Variants in INPP5D observed in about 807,000 individuals in gnomAD.
INPP5D encodes the protein phosphatidylinositol 3,4,5-trisphosphate 5-phosphatase 1.
INPP5D carries 33 observed loss-of-function variants against 122.9 expected under a neutral mutation model. The observed-to-expected ratio is 0.27, with a 90% CI of 0.20 to 0.36. The LOEUF is 0.36. INPP5D is among the 10% of genes least tolerant of loss of function. The pLI is 1.00. For synonymous variants in INPP5D, 584 were observed against 576.2 expected, an observed-to-expected ratio of 1.01 and a Z score of -0.19; for missense variants, 1,053 against 1,412.7, an observed-to-expected ratio of 0.75 and a Z score of 4.08.
In INPP5D at chr2:233,207,320, G is replaced by A. The variant is rs1028341891; in HGVS notation, c.*612G>A. The A allele has an allele frequency of 3.3e-5, 5 of 152,816 alleles. No homozygotes were observed. Among genetic ancestry groups the A allele is most frequent in the Admixed American group, 3.3e-4 (5 of 15,284 alleles). 9.5% of individuals were successfully genotyped at this position (152,816 alleles called of 1,614,324 possible). On this transcript the variant is annotated 3_prime_UTR_variant, in exon 27 of 27. Coordinates refer to ENST00000445964, the MANE Select transcript of INPP5D (RefSeq NM_001017915.3). This position sits in a 1 kb window ranked among gnomAD's most constrained non-coding sequence, Gnocchi z 4.6. ...GGGTAGCTTGTTTAGGGTACAAGAA[G>A]CCTGTTCTGTCCAGCTTCAGTGACA...
intron 2 of INPP5D, among the ~76,000 whole-genome samples, chr2:233,107,602 G>A (rs938156949): frequency 1.3e-5 from 2 of 152,204 alleles, no homozygotes; most frequent in African/African-American, 2.4e-5. Context: ...GAGGAATGTC[G>A]AAGAACCTAG....
intron 6 of INPP5D, among the ~76,000 whole-genome samples, chr2:233,143,644 A>T (rs1373430781): frequency 6.6e-6 from 1 of 152,258 alleles, no homozygotes; most frequent in African/African-American, 2.4e-5. Context: ...AGCTTTATTA[A>T]GAAGCAAGGG....
Position 233,206,671 on chromosome 2 carries a change from T to C in INPP5D, c.3568-35T>C, listed in dbSNP as rs1393311117. 2.6e-6 allele frequency: 2 copies of C among 768,992 alleles called. No homozygotes were observed. Among genetic ancestry groups the C allele is most frequent in the Non-Finnish European group, 4.8e-6 (2 of 412,590 alleles). 47.6% of individuals were successfully genotyped at this position (768,992 alleles called of 1,614,324 possible). On this transcript the variant is annotated intron_variant, in intron 26 of 26. Transcript: ENST00000445964. The surrounding 1 kb of genome is among the most constrained non-coding windows in gnomAD (Gnocchi z 4.0). ...TTAGTTCAACATGGCCTGGTGAGAA[T>C]GAGCCCTGACAGCCCTTCTGTTCTT...
intron 2 of INPP5D, among the ~76,000 whole-genome samples, chr2:233,099,210 C>G (rs1227252530): frequency 1.3e-5 from 2 of 152,190 alleles, no homozygotes; most frequent in Admixed American, 6.5e-5. Context: ...CTTGGCCTCC[C>G]AAAGTGCTGG....
rs369389658 is a variant in INPP5D at position 233,085,386 on chromosome 2, GAA to G, written c.198+6001_198+6002del. Among the ~76,000 whole-genome samples, 80 of 120,604 alleles carry G rather than the reference GAA, an allele frequency of 6.6e-4. 1 individual carries two copies. The highest frequency in any genetic ancestry group is 2.2e-3 in the African/African-American group (73 of 33,000). 79.1% of individuals were successfully genotyped at this position (120,604 alleles called of 152,430 possible). ...GGTGACAGAGCAAGACTGTCTCAAA[GAA>G]AAAAAAAAAAAAGAATGTAGCGTTA... On this transcript the variant is annotated intron_variant, in intron 2 of 26. Transcript: ENST00000445964.
intron 8 of INPP5D, 143 bp from the exon 9 acceptor site, chr2:233,147,328 G>T: frequency 1.6e-6 from 1 of 610,438 alleles, no homozygotes; most frequent in Non-Finnish European, 3.0e-6. Context: ...CACGTGCGCC[G>T]CTGGGGCAAG....
Position 233,122,149 on chromosome 2 carries a change from C to A in INPP5D, c.241C>A (p.Gln81Lys). 1 of 1,613,972 alleles carries A rather than the reference C, an allele frequency of 6.2e-7. No homozygotes were observed. Among genetic ancestry groups the A allele is most frequent in the East Asian group, 2.2e-5 (1 of 44,884 alleles). ...VSMRFFTKLDQLIEFYKKENM... is the reference protein window; with the variant it reads ...VSMRFFTKLDKLIEFYKKENM... ...CATGAGGTTCTTCACCAAGCTGGAC[C>A]AGCTCATCGAGTTTTACAAGAAGGA... Residue 81 changes from glutamine (Q) to lysine (K), a missense_variant, in exon 3 of 27, where the codon CAG becomes AAG. Physicochemically the swap from Gln to Lys is moderately conservative, Grantham distance 53 (BLOSUM62 1). Coordinates refer to ENST00000445964, the MANE Select transcript of INPP5D (RefSeq NM_001017915.3).
chr2:233,122,280 G>T lies in INPP5D; in HGVS notation c.349+23G>T, dbSNP rs1394520552. 1.9e-6 allele frequency: 3 copies of T among 1,607,652 alleles called. No individual in the cohort carries two copies. In the Admixed American group the frequency reaches 5.1e-5, roughly 27 times the overall value. ...CAGGTAGGGAGGGAGGGACAGGACG[G>T]CAGGAGGTACTTTTGGGAACTTGCC... is the stretch of plus-strand genomic sequence containing the variant. On this transcript the variant is annotated intron_variant, in intron 3 of 26. Coordinates refer to ENST00000445964, the MANE Select transcript of INPP5D (RefSeq NM_001017915.3).
intron 23 of INPP5D, 49 bp from the exon 24 acceptor site, chr2:233,195,350 C>G: frequency 1.9e-6 from 3 of 1,613,012 alleles, no homozygotes; most frequent in Non-Finnish European, 2.5e-6. Flanking sequence ...CTCGCCTAAG[C>G]TCTGGAAGCT....
intron 19 of INPP5D, among the ~76,000 whole-genome samples, chr2:233,184,164 C>A (rs549544219): frequency 1.3e-5 from 2 of 152,128 alleles, no homozygotes; most frequent in South Asian, 4.2e-4. Context: ...AAATGAGGTC[C>A]GGACTCCTGG....
At chr2:233,156,851 A>G (rs1694067349) in intron 9 of INPP5D, among the ~76,000 whole-genome samples, 1 of 152,242 alleles carries the variant, frequency 6.6e-6, no homozygotes, top group Admixed American at 6.5e-5. Context: ...GCCACTCATC[A>G]GCTCTGGGAG....
intron 6 of INPP5D, among the ~76,000 whole-genome samples, chr2:233,142,857 G>C (rs1693659505): frequency 6.6e-6 from 1 of 152,144 alleles, no homozygotes; most frequent in Non-Finnish European, 1.5e-5. Context: ...GGTGACATTT[G>C]GGACTGGATT....
intron 25 of INPP5D, among the ~76,000 whole-genome samples, chr2:233,203,778 C>T (rs1695401714): frequency 1.3e-5 from 2 of 152,006 alleles, no homozygotes; most frequent in African/African-American, 2.4e-5. Context: ...GGCATTGCTA[C>T]TCCCAGCAAT....
At chr2:233,166,636 C>A (rs1694348378) in intron 13 of INPP5D, among the ~76,000 whole-genome samples, 1 of 152,172 alleles carries the variant, frequency 6.6e-6, no homozygotes, top group Non-Finnish European at 1.5e-5. Flanking sequence ...TGGGGCCAGC[C>A]TCCCTCCTCC....
At chr2:233,087,903 G>C (rs961369684) in intron 2 of INPP5D, among the ~76,000 whole-genome samples, 1 of 152,066 alleles carries the variant, frequency 6.6e-6, no homozygotes, top group Admixed American at 6.5e-5. Flanking sequence ...TTCGAGACGG[G>C]TTCTCTTTTC....
At chr2:233,095,417 C>G (rs928733155) in intron 2 of INPP5D, among the ~76,000 whole-genome samples, 1 of 152,024 alleles carries the variant, frequency 6.6e-6, no homozygotes, top group African/African-American at 2.4e-5. Context: ...CTCAGGAGTT[C>G]GAGACCAGCC....
intron 21 of INPP5D, among the ~76,000 whole-genome samples, chr2:233,187,637 G>A (rs1017538785): frequency 3.3e-5 from 5 of 152,186 alleles, no homozygotes; most frequent in South Asian, 2.1e-4. Flanking sequence ...CCCCAGCTGC[G>A]GCACAATTCC....
chr2:233,117,059 G>A (rs1692822000), intron 2 of INPP5D, among the ~76,000 whole-genome samples: 1 of 152,204 alleles, frequency 6.6e-6, no homozygotes, highest in South Asian at 2.1e-4. Flanking sequence ...CCACGTGTCC[G>A]AGGGCATCAC....
intron 2 of INPP5D, among the ~76,000 whole-genome samples, chr2:233,114,072 G>A (rs990054071): frequency 3.3e-5 from 5 of 152,138 alleles, no homozygotes; most frequent in Non-Finnish European, 7.3e-5. Flanking sequence ...AACACGCCCA[G>A]CTAATTTTTG....
Sources: allele counts gnomAD v4.1 joint callset (sites outside exome capture counted in the v4.1 genomes callset), GRCh38; gene constraint gnomAD v4.1.1; non-coding constraint Gnocchi (gnomAD v3.1); transcripts MANE v1.5; gene names NCBI Gene and HGNC (gene_info 2026-07-23, HGNC 2026-07-21).